RALGAPA1: variants seen among roughly 807,000 people sequenced by gnomAD.
RALGAPA1 encodes Ral GTPase activating protein catalytic subunit alpha 1.
RALGAPA1 carries 52 observed loss-of-function variants against 269.6 expected under a neutral mutation model. That is an observed-to-expected ratio of 0.19 (90% CI 0.15 to 0.24). The LOEUF is 0.24. Among genes scored for constraint, RALGAPA1 ranks in the 10% least tolerant of loss-of-function variants. The pLI is 1.00. For missense variants in RALGAPA1, 1,917 were observed against 3,013.9 expected, an observed-to-expected ratio of 0.64 and a Z score of 8.52; for synonymous variants, 817 against 1,008.3, an observed-to-expected ratio of 0.81 and a Z score of 3.60.
At chr14:35,597,234 C>T (rs1053197087) in intron 36 of RALGAPA1, among the ~76,000 whole-genome samples, 2 of 152,148 alleles carry the variant, frequency 1.3e-5, no homozygotes, top group African/African-American at 4.8e-5. Flanking sequence ...AACACACTAC[C>T]AAGTTGCCCT....
At position 35,549,177 on chromosome 14, in the gene RALGAPA1, T is replaced by G. The variant is rs1203734497; in HGVS notation, c.7554A>C (p.Thr2518=). The change falls in exon 40 of 42, where the codon ACA becomes ACC. Residue 2518 remains threonine, a synonymous_variant. Transcript: ENST00000680220. ...QTIVQHHLEP[T]TFEDFAAQVF... is the part of the protein sequence containing the mutation. ...CCTGTGCTGCAAAATCTTCAAATGT[T>G]GTTGGTTCTAAGTGGTGCTGGACAA... 6.2e-7 allele frequency: 1 copy of G among 1,612,770 alleles called. No individual in the cohort carries two copies. The highest frequency in any genetic ancestry group is 2.2e-5 in the East Asian group (1 of 44,816).
Position 35,781,068 on chromosome 14 carries a change from A to T in RALGAPA1, c.107-5323T>A, listed in dbSNP as rs1311020638. On this transcript the variant is annotated intron_variant, in intron 1 of 41. Coordinates refer to ENST00000680220, the MANE Select transcript of RALGAPA1 (RefSeq NM_001346249.2). ...GACCCCCCAAAAAAAATCATTAAACAAAAATTGGTTCTTTGAAACACTCAA... is the reference window on the plus strand; with the variant it reads ...GACCCCCCAAAAAAAATCATTAAACTAAAATTGGTTCTTTGAAACACTCAA... Among the ~76,000 whole-genome samples, 3 of 152,228 alleles carry T rather than the reference A, an allele frequency of 2.0e-5. No homozygotes were observed. The East Asian group carries it at 5.8e-4, about 29-fold the overall frequency.
At chr14:35,651,929 A>C (rs539225726) in intron 30 of RALGAPA1, 56 bp from the exon 31 acceptor site, 1 of 1,413,392 alleles carries the variant, frequency 7.1e-7, no homozygotes, top group East Asian at 2.4e-5. Context: ...TTAATGGTAC[A>C]TCCTAAAACT....
chr14:35,717,220 G>A lies in RALGAPA1; in HGVS notation c.2266+4468C>T, dbSNP rs1232994960. Among the ~76,000 whole-genome samples the A allele has an allele frequency of 2.0e-5, 3 of 151,884 alleles. No individual in the cohort carries two copies. The East Asian group carries it at 5.8e-4, about 29-fold the overall frequency. The stretch of plus-strand genomic sequence containing the variant: ...AGCTGGAGTGCAATGGTGCGATCTC[G>A]GCCCACTGCAACCTCTGCCTCCCGG... On this transcript the variant is annotated intron_variant, in intron 16 of 41. Coordinates refer to ENST00000680220, the MANE Select transcript of RALGAPA1 (RefSeq NM_001346249.2).
Position 35,721,681 on chromosome 14 carries a change from T to C in RALGAPA1, c.2266+7A>G. On this transcript the variant is annotated splice_region_variant and intron_variant, in intron 16 of 41. Transcript: ENST00000680220. ...GTACCATTCTCATGATTTTCAAGAG[T>C]ACATACCGACAGTTTTTTGCCGTAC... 6.2e-7 allele frequency: 1 copy of C among 1,611,734 alleles called. No homozygotes were observed. Among genetic ancestry groups the C allele is most frequent in the South Asian group, 1.1e-5 (1 of 90,880 alleles).
intron 10 of RALGAPA1, among the ~76,000 whole-genome samples, chr14:35,744,718 T>A (rs139004682): frequency 4.9e-3 from 739 of 152,360 alleles, no homozygotes; most frequent in African/African-American, 0.016. Flanking sequence ...ATCACTCTCA[T>A]ATTCTAGCAG....
At chr14:35,785,022 CAAAT>C (rs1363868703) in intron 1 of RALGAPA1, among the ~76,000 whole-genome samples, 2 of 151,980 alleles carry the variant, frequency 1.3e-5, no homozygotes, top group African/African-American at 4.8e-5. Flanking sequence ...TCTCTACAAG[CAAAT>C]AAATAAATAA....
At chr14:35,636,124 T>G (rs1453404297) in intron 31 of RALGAPA1, among the ~76,000 whole-genome samples, 1 of 152,172 alleles carries the variant, frequency 6.6e-6, no homozygotes, top group Non-Finnish European at 1.5e-5. Context: ...TTGCCCAGGC[T>G]GGCCTTGAAC....
At chr14:35,554,965 C>T (rs1020733670) in intron 39 of RALGAPA1, among the ~76,000 whole-genome samples, 4 of 152,052 alleles carry the variant, frequency 2.6e-5, no homozygotes, top group Non-Finnish European at 5.9e-5. Context: ...TGCTGACAGC[C>T]CCTTTCCTCT....
intron 1 of RALGAPA1, among the ~76,000 whole-genome samples, chr14:35,781,798 C>T (rs920620770): frequency 2.6e-5 from 4 of 152,002 alleles, no homozygotes; most frequent in African/African-American, 9.7e-5. Context: ...CCTAAAGATA[C>T]TCAAAAAGCT....
At chr14:35,804,928 G>GA (rs929655226) in intron 1 of RALGAPA1, among the ~76,000 whole-genome samples, 1 of 151,336 alleles carries the variant, frequency 6.6e-6, no homozygotes, top group Admixed American at 6.6e-5. Flanking sequence ...CCTGTCACAA[G>GA]AAAAAAAAGC....
intron 6 of RALGAPA1, among the ~76,000 whole-genome samples, chr14:35,757,790 A>G (rs1439734274): frequency 6.6e-6 from 1 of 152,232 alleles, no homozygotes; most frequent in Non-Finnish European, 1.5e-5. Flanking sequence ...CCTGGTAAAC[A>G]TATGTAGGTC....
chr14:35,734,701 G>A (rs2070814255), intron 12 of RALGAPA1, among the ~76,000 whole-genome samples: 1 of 151,978 alleles, frequency 6.6e-6, no homozygotes, highest in Non-Finnish European at 1.5e-5. Flanking sequence ...TAAACAGCTG[G>A]GACTTAATTA....
Position 35,689,482 on chromosome 14 carries a change from T to C in RALGAPA1, c.2929A>G (p.Arg977Gly). 8.1e-7 allele frequency: 1 copy of C among 1,235,312 alleles called. No individual in the cohort carries two copies. Among genetic ancestry groups the C allele is most frequent in the Non-Finnish European group, 1.0e-6 (1 of 990,252 alleles). 76.5% of individuals were successfully genotyped at this position (1,235,312 alleles called of 1,614,324 possible). ...EVTIAVNRGE[R>G]LSLDKLECTD... is the part of the protein sequence containing the mutation. ...CATTCTAATTTATCTAAGGATAATCTTTCACCCCTATTTACTGCAATAGTC... is the reference window on the plus strand; with the variant it reads ...CATTCTAATTTATCTAAGGATAATCCTTCACCCCTATTTACTGCAATAGTC... The change falls in exon 18 of 42, where the codon AGA becomes GGA. Residue 977 changes from arginine (R) to glycine (G), a missense_variant. Transcript: ENST00000680220.
chr14:35,631,827 T>G (rs1427602959), intron 33 of RALGAPA1, among the ~76,000 whole-genome samples: 2 of 152,192 alleles, frequency 1.3e-5, no homozygotes, highest in Non-Finnish European at 2.9e-5. Flanking sequence ...TTAAAGAGCA[T>G]TATAAGTAAC....
At position 35,671,500 on chromosome 14, in the gene RALGAPA1, G is replaced by C; in HGVS notation, c.5091C>G (p.Ile1697Met). ...LHIDQDIVNT[I>M]IKHCSPQFFS... is the part of the protein sequence containing the mutation. ...AAAATTGAGGTGAGCAGTGTTTGAT[G>C]ATTGTATTGACAATATCCTTAGAAT... is the stretch of plus-strand genomic sequence containing the variant. The change falls in exon 26 of 42, where the codon ATC (isoleucine) becomes ATG (methionine). Residue 1697 changes from isoleucine (I) to methionine (M), a missense_variant. This residue lies in a region of RALGAPA1 where 346 missense variants were observed against 566.1 expected (regional missense o/e 0.61). Transcript: ENST00000680220. 6.4e-7 allele frequency: 1 copy of C among 1,563,470 alleles called. No homozygotes were observed. The highest frequency in any genetic ancestry group is 8.8e-7 in the Non-Finnish European group (1 of 1,134,688).
At chr14:35,594,721 GA>G (rs55648804) in intron 37 of RALGAPA1, among the ~76,000 whole-genome samples, 2,821 of 126,532 alleles carry the variant, frequency 0.022, 58 homozygotes, top group African/African-American at 0.057. Flanking sequence ...CAGCAATTAT[GA>G]AAAAAAAAAA....
intron 37 of RALGAPA1, among the ~76,000 whole-genome samples, chr14:35,580,631 C>T (rs577830830): frequency 1.3e-5 from 2 of 152,190 alleles, no homozygotes; most frequent in South Asian, 2.1e-4. Context: ...AATATAAATG[C>T]TACATTTAAA....
chr14:35,680,716 AC>A (rs2065357732), intron 21 of RALGAPA1, among the ~76,000 whole-genome samples: 1 of 150,230 alleles, frequency 6.7e-6, no homozygotes, highest in Non-Finnish European at 1.5e-5. Flanking sequence ...CCGGGTTCAC[AC>A]TATTCTCCTG....
Sources: allele counts gnomAD v4.1 joint callset (sites outside exome capture counted in the v4.1 genomes callset), GRCh38; gene constraint gnomAD v4.1.1; regional missense constraint gnomAD v4.1.1; transcripts MANE v1.5; gene names NCBI Gene and HGNC (gene_info 2026-07-23, HGNC 2026-07-21).